Variants in PTPRD observed in about 807,000 individuals in gnomAD.
PTPRD encodes the protein protein tyrosine phosphatase receptor type D.
Under a neutral mutation model 214.5 loss-of-function variants are expected in PTPRD, and 34 were observed. The ratio of observed to expected loss-of-function variants is 0.16; its 90% confidence interval spans 0.12 to 0.21. The LOEUF (loss-of-function observed/expected upper bound fraction) is 0.21, where lower values mean the gene tolerates loss of function less well. Among genes scored for constraint, PTPRD ranks in the 10% least tolerant of loss-of-function variants. The pLI, the probability that PTPRD is intolerant of heterozygous loss-of-function variation, is 1.00. For missense variants in PTPRD, 2,545 were observed against 2,398.7 expected (o/e 1.06, Z -1.27); for synonymous variants, 1,128 against 845.7 (o/e 1.33, Z -5.79).
At chr9:9,008,788 ACT>A (rs2099494316) in intron 11 of PTPRD, among the ~76,000 whole-genome samples, 1 of 152,088 alleles carries the variant, frequency 6.6e-6, no homozygotes, top group African/African-American at 2.4e-5. Flanking sequence ...TTTTAAATAT[ACT>A]CTGTTACTAT....
intron 2 of PTPRD, among the ~76,000 whole-genome samples, chr9:10,474,283 G>A (rs552529504): frequency 6.8e-6 from 1 of 146,870 alleles, no homozygotes; most frequent in South Asian, 2.3e-4. Context: ...AAGGGATGGA[G>A]GAATATTTAC....
chr9:9,476,702 A>G (rs2095069054), intron 8 of PTPRD, among the ~76,000 whole-genome samples: 1 of 152,150 alleles, frequency 6.6e-6, no homozygotes, highest in African/African-American at 2.4e-5. Context: ...ATTTTACATA[A>G]GAAACCTAAT....
At chr9:9,870,975 C>G (rs993924720) in intron 5 of PTPRD, among the ~76,000 whole-genome samples, 1 of 152,086 alleles carries the variant, frequency 6.6e-6, no homozygotes, top group African/African-American at 2.4e-5. Context: ...CATATTAATA[C>G]TAAACTGTTC....
intron 12 of PTPRD, among the ~76,000 whole-genome samples, chr9:8,648,671 G>T (rs1245899381): frequency 1.3e-5 from 2 of 152,194 alleles, no homozygotes; most frequent in East Asian, 1.9e-4. Context: ...AAACAGATGA[G>T]AAAGTTATGC....
intron 14 of PTPRD, among the ~76,000 whole-genome samples, chr9:8,626,129 T>C (rs946369484): frequency 7.2e-5 from 11 of 151,896 alleles, no homozygotes; most frequent in South Asian, 2.1e-4. Flanking sequence ...TCTTAATTAG[T>C]AGCTTAAAAT....
At chr9:10,133,498 T>C (rs1387141532) in intron 3 of PTPRD, among the ~76,000 whole-genome samples, 1 of 152,102 alleles carries the variant, frequency 6.6e-6, no homozygotes, top group Non-Finnish European at 1.5e-5. Context: ...CTGTACGTTA[T>C]ATATAAGTAC....
intron 4 of PTPRD, among the ~76,000 whole-genome samples, chr9:9,960,760 C>T (rs933347576): frequency 1.3e-5 from 2 of 151,986 alleles, no homozygotes; most frequent in Admixed American, 6.6e-5. Flanking sequence ...CCTAAAGACA[C>T]ATGATAACTA....
intron 7 of PTPRD, among the ~76,000 whole-genome samples, chr9:9,575,565 G>T (rs959793820): frequency 6.6e-6 from 1 of 150,848 alleles, no homozygotes; most frequent in African/African-American, 2.4e-5. Flanking sequence ...CTAAAAAATA[G>T]AAATATTAGC....
intron 9 of PTPRD, among the ~76,000 whole-genome samples, chr9:9,236,653 T>C (rs1199949698): frequency 7.6e-6 from 1 of 132,066 alleles, no homozygotes; most frequent in Non-Finnish European, 1.6e-5. Context: ...TGGTTTTGGG[T>C]GTCAATTCAT....
At chr9:9,855,927 T>TAAA (rs982912800) in intron 5 of PTPRD, among the ~76,000 whole-genome samples, 3 of 152,040 alleles carry the variant, frequency 2.0e-5, no homozygotes, top group Non-Finnish European at 4.4e-5. Flanking sequence ...CCGGTGAGGG[T>TAAA]AAAGGGGCCA....
At chr9:9,127,726 A>G (rs941734067) in intron 10 of PTPRD, among the ~76,000 whole-genome samples, 2 of 152,322 alleles carry the variant, frequency 1.3e-5, no homozygotes, top group Middle Eastern at 3.4e-3. Context: ...ATATACATGT[A>G]TCAGTCTTTC....
At chr9:10,072,745 A>G (rs1287066771) in intron 3 of PTPRD, among the ~76,000 whole-genome samples, 2 of 152,108 alleles carry the variant, frequency 1.3e-5, no homozygotes, top group African/African-American at 4.8e-5. Flanking sequence ...GGGCGTTTTT[A>G]CAGAGCACTG....
chr9:9,882,883 T>C (rs2153743370), intron 5 of PTPRD, among the ~76,000 whole-genome samples: 2 of 152,268 alleles, frequency 1.3e-5, no homozygotes, highest in East Asian at 3.9e-4. Context: ...CTTAGTGCCC[T>C]CCCTGTGGTA....
In PTPRD at chr9:10,314,776, T is replaced by C. The variant is rs140914958; in HGVS notation, c.-545+26187A>G. Reference sequence around the variant, plus strand: ...AACACTATCCACTAGCCACTATTGATAGACTATTTTGAATGAATGGTTGAG... The same window carrying C: ...AACACTATCCACTAGCCACTATTGACAGACTATTTTGAATGAATGGTTGAG... On this transcript the variant is annotated intron_variant, in intron 3 of 45. Transcript: ENST00000381196. 3.0e-3 allele frequency among the ~76,000 whole-genome samples: 460 copies of C among 152,040 alleles called. 3 individuals are homozygous for C. Among genetic ancestry groups the C allele is most frequent in the African/African-American group, 0.011 (440 of 41,524 alleles).
chr9:9,212,555 C>G (rs919348372), intron 9 of PTPRD, among the ~76,000 whole-genome samples: 3 of 152,110 alleles, frequency 2.0e-5, no homozygotes, highest in Non-Finnish European at 4.4e-5. Context: ...TAACTGCTAG[C>G]TTATTGCATT....
chr9:10,537,652 G>T (rs571538084), intron 2 of PTPRD, among the ~76,000 whole-genome samples: 33 of 151,892 alleles, frequency 2.2e-4, no homozygotes, highest in Non-Finnish European at 3.8e-4. Context: ...CAAATATTTA[G>T]CTAATGTATC....
At chr9:9,137,191 T>C (rs967007880) in intron 10 of PTPRD, among the ~76,000 whole-genome samples, 1 of 152,210 alleles carries the variant, frequency 6.6e-6, no homozygotes, top group Non-Finnish European at 1.5e-5. Context: ...ATTCTTGTTA[T>C]AATAGCTGCA....
intron 6 of PTPRD, among the ~76,000 whole-genome samples, chr9:9,756,094 T>A (rs1332512815): frequency 6.6e-6 from 1 of 152,032 alleles, no homozygotes; most frequent in East Asian, 1.9e-4. Flanking sequence ...AGATTGAGGA[T>A]ATCTGGAAAA....
chr9:8,593,941 C>G (rs955815975), intron 14 of PTPRD, among the ~76,000 whole-genome samples: 5 of 152,122 alleles, frequency 3.3e-5, no homozygotes, highest in Admixed American at 6.6e-5. Context: ...AGGTCTTTCC[C>G]AGTAGGATAC....
Sources: allele counts gnomAD v4.1 joint callset (sites outside exome capture counted in the v4.1 genomes callset), GRCh38; gene constraint gnomAD v4.1.1; transcripts MANE v1.5; gene names NCBI Gene and HGNC (gene_info 2026-07-23, HGNC 2026-07-21).